TCF20: variants seen among roughly 807,000 people sequenced by gnomAD.
TCF20 encodes the protein SPRE-binding protein.
TCF20 carries 3 observed loss-of-function variants against 148.6 expected under a neutral mutation model. The observed-to-expected ratio is 0.02, with a 90% CI of 0.01 to 0.05. The LOEUF is 0.05. Ranked by LOEUF, TCF20 falls within the 10% of genes least tolerant of loss-of-function variation. TCF20 has a pLI of 1.00. For missense variants in TCF20, 2,350 were observed against 2,429.3 expected (o/e 0.97, Z 0.69); for synonymous variants, 1,049 against 909.5 (o/e 1.15, Z -2.76).
upstream of TCF20, among the ~76,000 whole-genome samples, chr22:42,287,248 C>T (rs995660992): frequency 6.6e-6 from 1 of 152,174 alleles, no homozygotes; most frequent in African/African-American, 2.4e-5. Flanking sequence ...GGGAGCACCA[C>T]GCCTTTGTTC....
At position 42,215,164 on chromosome 22, in the gene TCF20, T is replaced by C; in HGVS notation, c.142A>G (p.Ser48Gly). The change falls in exon 2 of 6, where the codon AGT (serine) becomes GGT (glycine). Residue 48 changes from serine to glycine, a missense_variant. Ser to Gly is a moderately conservative substitution (Grantham distance 56). Transcript: ENST00000677622. Reference sequence around the variant, plus strand: ...CCACTGCCACTGCCACTGCTGCCACTACTGCCACCTGTACCTCCAAAATTC... The same window carrying C: ...CCACTGCCACTGCCACTGCTGCCACCACTGCCACCTGTACCTCCAAAATTC... ...FQNFGGTGGS[S>G]GSSGSGSGGG... 6.2e-7 allele frequency: 1 copy of C among 1,614,186 alleles called. No homozygotes were observed. The highest frequency in any genetic ancestry group is 8.5e-7 in the Non-Finnish European group (1 of 1,180,004).
At chr22:42,323,886 G>A (rs201966422) in intron 1 of TCF20, among the ~76,000 whole-genome samples, 1 of 123,352 alleles carries the variant, frequency 8.1e-6, no homozygotes, top group African/African-American at 2.7e-5. Flanking sequence ...TGGTGGTGAT[G>A]GAGGTTATGG....
At chr22:42,295,829 C>T (rs539832824) in intron 1 of TCF20, among the ~76,000 whole-genome samples, 1 of 152,288 alleles carries the variant, frequency 6.6e-6, no homozygotes, top group Non-Finnish European at 1.5e-5. Context: ...TTGAACTCCC[C>T]ACCTCAGCAG....
intron 1 of TCF20, among the ~76,000 whole-genome samples, chr22:42,252,554 G>A (rs890524875): frequency 6.6e-6 from 1 of 152,028 alleles, no homozygotes; most frequent in Non-Finnish European, 1.5e-5. Context: ...AGGTTTAAGC[G>A]ATTCTCCCGC....
At chr22:42,249,969 C>T (rs894821640) in intron 1 of TCF20, among the ~76,000 whole-genome samples, 2 of 151,958 alleles carry the variant, frequency 1.3e-5, no homozygotes, top group African/African-American at 2.4e-5. Context: ...TTCATCAAAA[C>T]GTAGAAGCCA....
At position 42,297,719 on chromosome 22, in the gene TCF20, G is replaced by A. The variant is rs375301376; in HGVS notation, c.-37+45760C>T. ...TGAGCCACACAATTCAGACAAATGT[G>A]TGTGGACTCCCCTCTTGCCCCACAA... is the stretch of plus-strand genomic sequence containing the variant. On this transcript the variant is annotated intron_variant, in intron 1 of 1. Transcript: ENST00000515426. The surrounding 1 kb of genome is among the most constrained non-coding windows in gnomAD (Gnocchi z 4.3). Among the ~76,000 whole-genome samples, 29 of 152,324 alleles carry A rather than the reference G, an allele frequency of 1.9e-4. 1 individual carries two copies. Among genetic ancestry groups the A allele is most frequent in the African/African-American group, 6.7e-4 (28 of 41,566 alleles).
At chr22:42,247,388 C>T (rs1052965069) in intron 1 of TCF20, among the ~76,000 whole-genome samples, 2 of 144,926 alleles carry the variant, frequency 1.4e-5, no homozygotes, top group Non-Finnish European at 3.0e-5. Flanking sequence ...TGCAGTGAGC[C>T]GAGATGGTGC....
intron 1 of TCF20, among the ~76,000 whole-genome samples, chr22:42,246,972 T>C (rs935688924): frequency 1.5e-5 from 1 of 65,668 alleles, no homozygotes; most frequent in Non-Finnish European, 3.3e-5. Flanking sequence ...TCTCAAAAAA[T>C]TAAAAAAAAA....
chr22:42,253,404 AT>A (rs1424935765), intron 1 of TCF20, among the ~76,000 whole-genome samples: 1 of 152,218 alleles, frequency 6.6e-6, no homozygotes, highest in Non-Finnish European at 1.5e-5. Flanking sequence ...AGAAAAAAAA[AT>A]AAAGTAGAGA....
chr22:42,263,925 G>C (rs147920613), intron 1 of TCF20, among the ~76,000 whole-genome samples: 109 of 152,198 alleles, frequency 7.2e-4, no homozygotes, highest in African/African-American at 2.6e-3. Flanking sequence ...ACATAACTTT[G>C]GGTAAATGAC....
rs1044644443 is a variant in TCF20 at position 42,214,289 on chromosome 22, G to A, written c.1017C>T (p.Pro339=). The change falls in exon 2 of 6, where the codon CCC becomes CCT. Residue 339 remains proline, a synonymous_variant. Transcript: ENST00000677622. ...MQYTNAATKL[P]LQSQVGQYNQ... ...TGTACTGCCCCACTTGGCTTTGCAG[G>A]GGCAGCTTGGTGGCAGCGTTAGTAT... 21 of 1,614,082 alleles carry A rather than the reference G, an allele frequency of 1.3e-5. No homozygotes were observed. In the East Asian group the frequency reaches 3.8e-4, roughly 29 times the overall value.
At chr22:42,221,960 G>A (rs573844258) in intron 1 of TCF20, among the ~76,000 whole-genome samples, 1 of 151,634 alleles carries the variant, frequency 6.6e-6, no homozygotes, top group Non-Finnish European at 1.5e-5. Context: ...GGATGGTCTC[G>A]ATCTCCTGAC....
intron 1 of TCF20, among the ~76,000 whole-genome samples, chr22:42,331,938 T>C (rs902517386): frequency 6.6e-6 from 1 of 152,218 alleles, no homozygotes; most frequent in Non-Finnish European, 1.5e-5. Flanking sequence ...TGGATATTCC[T>C]TCATCCACTC....
chr22:42,230,362 G>A (rs1452003424), intron 1 of TCF20, among the ~76,000 whole-genome samples: 5 of 151,988 alleles, frequency 3.3e-5, no homozygotes, highest in Admixed American at 2.6e-4. Context: ...TACTGCCAGT[G>A]GTATAAAAGC....
intron 1 of TCF20, among the ~76,000 whole-genome samples, chr22:42,324,895 G>A (rs1307362223): frequency 6.6e-6 from 1 of 152,248 alleles, no homozygotes; most frequent in East Asian, 1.9e-4. Flanking sequence ...GGCACATGGG[G>A]AATATGGCCT....
chr22:42,223,340 T>C (rs1922556264), intron 1 of TCF20, among the ~76,000 whole-genome samples: 2 of 152,200 alleles, frequency 1.3e-5, no homozygotes, highest in Admixed American at 1.3e-4. Context: ...ATTCTTCTGA[T>C]TCTAGAGCCC....
rs534498371 is a variant in TCF20, at chr22:42,264,213, G to A, written c.-37+6126C>T. ...TCCCCACCCCCCTACCCAAACAGAA[G>A]ATCCCCAACACAGAAACATGAACAC... On this transcript the variant is annotated intron_variant, in intron 1 of 5. Coordinates refer to ENST00000677622, the MANE Select transcript of TCF20 (RefSeq NM_001378418.1). 1.3e-4 allele frequency among the ~76,000 whole-genome samples: 17 copies of A among 126,984 alleles called. No homozygotes were observed. In the South Asian group the frequency reaches 4.7e-3, roughly 35 times the overall value. The allele number at this position is 126,984 out of a possible 152,430, so 83.3% of individuals were successfully genotyped here.
intron 1 of TCF20, among the ~76,000 whole-genome samples, chr22:42,326,095 G>A (rs1376516900): frequency 1.3e-5 from 2 of 151,988 alleles, no homozygotes; most frequent in African/African-American, 4.8e-5. Context: ...CTTTGGTGAA[G>A]GAGCCAACTC....
rs1927150009 is a variant in TCF20, at chr22:42,292,482, T to C, written c.-37+50997A>G. On this transcript the variant is annotated intron_variant, in intron 1 of 1. Coordinates refer to the TCF20 transcript ENST00000515426. The surrounding 1 kb of genome is among the most constrained non-coding windows in gnomAD (Gnocchi z 4.9). ...TGGGACTCAGCTAGGACCCAGCACA[T>C]ACGCTGAGGATAGGGACATAACAAG... Among the ~76,000 whole-genome samples the C allele has an allele frequency of 6.6e-6, 1 of 152,132 alleles. No individual in the cohort carries two copies.
Sources: gnomAD v4.1 joint callset for allele counts (sites outside exome capture counted in the v4.1 genomes callset) on GRCh38, gnomAD v4.1.1 for gene constraint, Gnocchi (gnomAD v3.1) non-coding constraint, MANE v1.5 for transcripts, NCBI Gene and HGNC (gene_info 2026-07-23, HGNC 2026-07-21) for gene names.